Variants in PCNX1 observed in about 807,000 individuals in gnomAD.
PCNX1 encodes pecanex 1, also known as pecanex-like protein 1.
In PCNX1, 78 loss-of-function variants were observed where a neutral mutation model predicts 242.2. The ratio of observed to expected loss-of-function variants is 0.32; its 90% CI spans 0.27 to 0.39. The LOEUF (loss-of-function observed/expected upper bound fraction) is 0.39. Ranked by LOEUF, PCNX1 falls within the 10% of genes least tolerant of loss-of-function variation. PCNX1 has a pLI of 1.00. For missense variants in PCNX1, 2,581 were observed against 2,856.5 expected (o/e 0.90, Z 2.20); for synonymous variants, 1,024 against 1,032.9 (o/e 0.99, Z 0.17).
intron 33 of PCNX1, among the ~76,000 whole-genome samples, chr14:71,106,045 A>G (rs556585873): frequency 4.6e-5 from 7 of 150,982 alleles, no homozygotes; most frequent in Admixed American, 1.3e-4. Flanking sequence ...ACAGAGTCTC[A>G]CTCTGTTGCT....
At chr14:70,934,227 A>T (rs1021709187) in intron 1 of PCNX1, among the ~76,000 whole-genome samples, 8 of 152,134 alleles carry the variant, frequency 5.3e-5, no homozygotes, top group African/African-American at 1.9e-4. Flanking sequence ...GCTTGAACCT[A>T]TTACTCCTGG....
intron 31 of PCNX1, among the ~76,000 whole-genome samples, chr14:71,102,758 C>T (rs2062498167): frequency 6.6e-6 from 1 of 152,002 alleles, no homozygotes; most frequent in Non-Finnish European, 1.5e-5. Flanking sequence ...TTTTGACAGT[C>T]TTTTATCCAT....
intron 6 of PCNX1, among the ~76,000 whole-genome samples, chr14:70,984,686 G>A (rs965643791): frequency 2.6e-5 from 4 of 151,746 alleles, no homozygotes; most frequent in African/African-American, 7.3e-5. Flanking sequence ...GCGACCTGCC[G>A]ACATCATTTT....
chr14:71,011,362 T>C (rs568117119), intron 9 of PCNX1, 130 bp from the exon 10 acceptor site: 102 of 669,392 alleles, frequency 1.5e-4, no homozygotes, highest in Non-Finnish European at 2.5e-4. Context: ...ATCACAACTC[T>C]AGGAAAATGC....
intron 1 of PCNX1, among the ~76,000 whole-genome samples, chr14:70,925,585 T>TC (rs994423731): frequency 3.3e-5 from 5 of 151,326 alleles, no homozygotes; most frequent in African/African-American, 1.2e-4. Context: ...TTTTTTTTTT[T>TC]TTTTCATGTA....
At chr14:70,953,478 TA>T (rs1163304898) in intron 2 of PCNX1, among the ~76,000 whole-genome samples, 21 of 151,890 alleles carry the variant, frequency 1.4e-4, no homozygotes, top group African/African-American at 4.3e-4. Flanking sequence ...AGGAATTTTT[TA>T]TTTTTTTATA....
rs553369900 is a variant in PCNX1 at position 71,073,162 on chromosome 14, G to A, written c.4853-383G>A. 3.3e-5 allele frequency among the ~76,000 whole-genome samples: 5 copies of A among 152,270 alleles called. No individual in the cohort carries two copies. In the East Asian group the frequency reaches 9.7e-4, roughly 29 times the overall value. ...ACAAAAATTAGCTGGGCCTGGTGGCGCATGCCTGTAATACCAGCTCCTCTG... is the reference window on the plus strand; with the variant it reads ...ACAAAAATTAGCTGGGCCTGGTGGCACATGCCTGTAATACCAGCTCCTCTG... On this transcript the variant is annotated intron_variant, in intron 26 of 35. Coordinates refer to ENST00000304743, the MANE Select transcript of PCNX1 (RefSeq NM_014982.3).
chr14:71,003,349 C>A (rs1018613746), intron 8 of PCNX1, among the ~76,000 whole-genome samples: 4 of 152,130 alleles, frequency 2.6e-5, no homozygotes, highest in Admixed American at 6.5e-5. Flanking sequence ...CCTCGGCCCC[C>A]CAAAGCGCTG....
At chr14:71,007,058 T>C (rs2140481809) in intron 8 of PCNX1, among the ~76,000 whole-genome samples, 1 of 152,304 alleles carries the variant, frequency 6.6e-6, no homozygotes, top group Middle Eastern at 3.4e-3. Context: ...TAGCCTCTCT[T>C]TTAGACATAT....
chr14:71,062,240 G>A (rs1416047966), intron 26 of PCNX1, among the ~76,000 whole-genome samples: 1 of 152,112 alleles, frequency 6.6e-6, no homozygotes, highest in Non-Finnish European at 1.5e-5. Context: ...ATAGGAGATG[G>A]CAGCTCCATG....
At chr14:70,975,618 C>G (rs904861183) in intron 5 of PCNX1, among the ~76,000 whole-genome samples, 1 of 152,070 alleles carries the variant, frequency 6.6e-6, no homozygotes, top group African/African-American at 2.4e-5. Context: ...CTTTGTCTAT[C>G]CAGCTATGAC....
chr14:71,081,737 T>C (rs1595461007), intron 28 of PCNX1, among the ~76,000 whole-genome samples: 1 of 152,198 alleles, frequency 6.6e-6, no homozygotes, highest in East Asian at 1.9e-4. Flanking sequence ...TTACTGTGTC[T>C]ATTTGATTCT....
chr14:71,087,058 G>A (rs1384483770), intron 28 of PCNX1, among the ~76,000 whole-genome samples: 1 of 152,030 alleles, frequency 6.6e-6, no homozygotes, highest in African/African-American at 2.4e-5. Context: ...GGGAAGGGAG[G>A]TAGAGAAAAA....
Position 71,052,258 on chromosome 14 carries a change from C to T in PCNX1, c.4577+246C>T, listed in dbSNP as rs534821159. ...ACAGGGTCTCATTCTGTTGCCCAGG[C>T]TGGAGTGCAGTGGTGCGTCTCTGCT... On this transcript the variant is annotated intron_variant, in intron 24 of 35. Coordinates refer to ENST00000304743, the MANE Select transcript of PCNX1 (RefSeq NM_014982.3). Among the ~76,000 whole-genome samples, 6 of 151,506 alleles carry T rather than the reference C, an allele frequency of 4.0e-5. No individual in the cohort carries two copies. The East Asian group carries it at 1.2e-3, about 29-fold the overall frequency.
chr14:70,958,057 T>C lies in PCNX1; in HGVS notation c.363-4169T>C, dbSNP rs572554449. ...CCTCTATATACATACTTAAAGTTTT[T>C]CCAATTTAGAAAAATTTCTCCTCTG... On this transcript the variant is annotated intron_variant, in intron 2 of 35. Coordinates refer to ENST00000304743, the MANE Select transcript of PCNX1 (RefSeq NM_014982.3). Among the ~76,000 whole-genome samples, 46 of 152,344 alleles carry C rather than the reference T, an allele frequency of 3.0e-4. 1 individual carries two copies. Among genetic ancestry groups the C allele is most frequent in the Middle Eastern group, 3.4e-3 (1 of 294 alleles).
chr14:70,911,404 G>T (rs900328945), intron 1 of PCNX1, among the ~76,000 whole-genome samples: 4 of 152,148 alleles, frequency 2.6e-5, no homozygotes, highest in Non-Finnish European at 4.4e-5. Flanking sequence ...TACTTTGAAA[G>T]GTGGACTCTA....
chr14:71,076,782 T>G (rs538311826), intron 28 of PCNX1, among the ~76,000 whole-genome samples: 1 of 152,324 alleles, frequency 6.6e-6, no homozygotes, highest in Admixed American at 6.5e-5. Context: ...TTAAATGTCT[T>G]TGTCCCAAAT....
At chr14:71,085,779 A>G in intron 28 of PCNX1, 1 of 362,594 alleles carries the variant, frequency 2.8e-6, no homozygotes, top group Non-Finnish European at 5.6e-6. Context: ...TAAGGCCCAG[A>G]CCCCAGCTTC....
chr14:70,929,755 A>G (rs1378026259), intron 1 of PCNX1, among the ~76,000 whole-genome samples: 1 of 152,186 alleles, frequency 6.6e-6, no homozygotes, highest in East Asian at 1.9e-4. Flanking sequence ...GATGATGTAG[A>G]TGTGCTATGT....
Sources: allele counts gnomAD v4.1 joint callset (sites outside exome capture counted in the v4.1 genomes callset), GRCh38; gene constraint gnomAD v4.1.1; transcripts MANE v1.5; gene names NCBI Gene and HGNC (gene_info 2026-07-23, HGNC 2026-07-21).